TULP4: variants seen among roughly 807,000 people sequenced by gnomAD.
TULP4 encodes tubby-related protein 4.
In TULP4, 16 loss-of-function variants were observed where a neutral mutation model predicts 129.0. The ratio of observed to expected loss-of-function variants is 0.12; its 90% confidence interval spans 0.08 to 0.19. The LOEUF is 0.19. Among genes scored for constraint, TULP4 ranks in the 10% least tolerant of loss-of-function variants. The pLI is 1.00. For synonymous variants in TULP4, 998 were observed against 854.0 expected, an observed-to-expected ratio of 1.17 and a Z score of -2.94; for missense variants, 1,842 against 2,059.1, an observed-to-expected ratio of 0.89 and a Z score of 2.04.
intron 13 of TULP4, among the ~76,000 whole-genome samples, chr6:158,505,430 G>A (rs976286695): frequency 6.6e-6 from 1 of 152,198 alleles, no homozygotes; most frequent in Non-Finnish European, 1.5e-5. Context: ...CCTGAGTATC[G>A]TCCCTGGCTG....
chr6:158,490,550 A>G (rs887308355), intron 9 of TULP4, among the ~76,000 whole-genome samples: 1 of 152,246 alleles, frequency 6.6e-6, no homozygotes, highest in Non-Finnish European at 1.5e-5. Context: ...TATAAGTTAC[A>G]TACAGATACA....
At chr6:158,421,603 C>A (rs1206930596) in intron 2 of TULP4, among the ~76,000 whole-genome samples, 1 of 152,022 alleles carries the variant, frequency 6.6e-6, no homozygotes, top group Non-Finnish European at 1.5e-5. Context: ...ACAAATGTTT[C>A]CTATTCAGAT....
Position 158,503,005 on chromosome 6 carries a change from C to T in TULP4, c.3342C>T (p.Val1114=), listed in dbSNP as rs2128264402. The change falls in exon 13 of 14, where the codon GTC becomes GTT. Residue 1114 remains valine (V), a synonymous_variant. Coordinates refer to ENST00000367097, the MANE Select transcript of TULP4 (RefSeq NM_020245.5). The surrounding 1 kb of genome is among the most constrained non-coding windows in gnomAD (Gnocchi z 4.3). ...ACCCTCCCCTGCCTGAAGCTGCTGTCACCCTGAAACGGCCACCCCCTTACC... is the reference window on the plus strand; with the variant it reads ...ACCCTCCCCTGCCTGAAGCTGCTGTTACCCTGAAACGGCCACCCCCTTACC... ...LRHPPLPEAA[V]TLKRPPPYQW... is the part of the protein sequence containing the mutation. The T allele has an allele frequency of 6.2e-7, 1 of 1,614,096 alleles. No homozygotes were observed. The highest frequency in any genetic ancestry group is 8.5e-7 in the Non-Finnish European group (1 of 1,180,004).
intron 5 of TULP4, among the ~76,000 whole-genome samples, chr6:158,460,367 C>T (rs1779396984): frequency 6.6e-6 from 1 of 152,140 alleles, no homozygotes; most frequent in Non-Finnish European, 1.5e-5. Flanking sequence ...TTAAGTTCCG[C>T]CCAGCTTCTC....
chr6:158,387,012 A>G lies in TULP4; in HGVS notation c.253-26053A>G, dbSNP rs370686718. Among the ~76,000 whole-genome samples the G allele has an allele frequency of 8.7e-4, 133 of 152,302 alleles. 1 individual carries two copies. The highest frequency in any genetic ancestry group is 2.9e-3 in the African/African-American group (122 of 41,564). ...AATTAGGATAAAGTAGTAAAAATGA[A>G]AAAACATAAAAATAGATGATAAAAT... On this transcript the variant is annotated intron_variant, in intron 1 of 13. Transcript: ENST00000367097.
intron 1 of TULP4, among the ~76,000 whole-genome samples, chr6:158,399,165 A>G (rs565887200): frequency 2.9e-4 from 44 of 152,238 alleles, no homozygotes; most frequent in Non-Finnish European, 6.2e-4. Flanking sequence ...AGTAATAGAA[A>G]AAAGGGCAGA....
chr6:158,237,425 G>T (rs565508705), intron 1 of TULP4: 7 of 1,592,300 alleles, frequency 4.4e-6, no homozygotes, highest in Non-Finnish European at 8.6e-7. Flanking sequence ...TGTCTTGGGG[G>T]TATGATGTTA....
chr6:158,487,287 A>G (rs542411519), intron 8 of TULP4, among the ~76,000 whole-genome samples: 1 of 152,228 alleles, frequency 6.6e-6, no homozygotes, highest in South Asian at 2.1e-4. Flanking sequence ...GAAAATACAA[A>G]AAATTAGCCA....
chr6:158,404,701 A>G (rs1443581130), intron 1 of TULP4, among the ~76,000 whole-genome samples: 2 of 148,584 alleles, frequency 1.3e-5, no homozygotes, highest in East Asian at 2.0e-4. Flanking sequence ...GCTTGAATCC[A>G]GGAGGTGGAG....
intron 1 of TULP4, among the ~76,000 whole-genome samples, chr6:158,346,935 C>T (rs1441404516): frequency 6.6e-6 from 1 of 152,130 alleles, no homozygotes; most frequent in Non-Finnish European, 1.5e-5. Flanking sequence ...GTGACCATAG[C>T]TGCAGCAGAC....
At chr6:158,498,923 A>C in intron 12 of TULP4, 111 bp downstream of exon 12, 4 of 1,341,746 alleles carry the variant, frequency 3.0e-6, no homozygotes, top group Non-Finnish European at 4.2e-6. Flanking sequence ...TGGGTTTGGA[A>C]AAGGTATCCC....
intron 1 of TULP4, among the ~76,000 whole-genome samples, chr6:158,262,795 A>C (rs1236714954): frequency 6.6e-6 from 1 of 152,144 alleles, no homozygotes; most frequent in African/African-American, 2.4e-5. Context: ...GCACCCTGCG[A>C]TGTCACCTTG....
chr6:158,351,300 T>C (rs535736136), intron 1 of TULP4, among the ~76,000 whole-genome samples: 1 of 152,310 alleles, frequency 6.6e-6, no homozygotes, highest in African/African-American at 2.4e-5. Context: ...GTAGCTGAGA[T>C]GAGCATTTCT....
chr6:158,255,943 G>T (rs1397137037), intron 1 of TULP4, among the ~76,000 whole-genome samples: 1 of 152,190 alleles, frequency 6.6e-6, no homozygotes, highest in Non-Finnish European at 1.5e-5. Flanking sequence ...TGGTGGGAGA[G>T]ATCCCTTTTC....
intron 1 of TULP4, among the ~76,000 whole-genome samples, chr6:158,370,110 G>A (rs902267630): frequency 6.6e-6 from 1 of 152,106 alleles, no homozygotes; most frequent in African/African-American, 2.4e-5. Flanking sequence ...TACTTGGGAG[G>A]CTGACACAGG....
chr6:158,303,004 C>T (rs1034970174), intron 1 of TULP4, among the ~76,000 whole-genome samples: 1 of 149,186 alleles, frequency 6.7e-6, no homozygotes, highest in South Asian at 2.2e-4. Flanking sequence ...AGGAGGAAGG[C>T]CATAAATTAG....
chr6:158,454,919 C>T (rs1779258902), intron 5 of TULP4, among the ~76,000 whole-genome samples: 1 of 151,700 alleles, frequency 6.6e-6, no homozygotes, highest in African/African-American at 2.4e-5. Context: ...AGCAGCACTT[C>T]TAACGTTTTG....
intron 8 of TULP4, among the ~76,000 whole-genome samples, chr6:158,487,327 C>T (rs1376384149): frequency 1.3e-5 from 2 of 152,140 alleles, no homozygotes; most frequent in Non-Finnish European, 2.9e-5. Context: ...GTAGTCCCAG[C>T]TACTCAGGAG....
rs1414506133 is a variant in TULP4 at position 158,239,129 on chromosome 6, G to A, written n.68+6826G>A. Among the ~76,000 whole-genome samples the A allele has an allele frequency of 4.0e-3, 444 of 112,284 alleles. 5 individuals carry two copies. Among genetic ancestry groups the A allele is most frequent in the Admixed American group, 0.011 (130 of 11,914 alleles). The allele number at this position is 112,284 out of a possible 152,430, so 73.7% of individuals were successfully genotyped here. ...GGGCTCCTCACTTCCCAGTAGGGGC[G>A]GCCGGGCAGAGGCGCCCCTCACCTC... On this transcript the variant is annotated intron_variant and non_coding_transcript_variant, in intron 1 of 1. Transcript: ENST00000620026.
Sources: allele counts gnomAD v4.1 joint callset (sites outside exome capture counted in the v4.1 genomes callset), GRCh38; gene constraint gnomAD v4.1.1; non-coding constraint Gnocchi (gnomAD v3.1); transcripts MANE v1.5; gene names NCBI Gene and HGNC (gene_info 2026-07-23, HGNC 2026-07-21).